FABP7: variants seen among roughly 807,000 people sequenced by gnomAD.
The protein encoded by FABP7 is fatty acid binding protein 7, also known as fatty acid-binding protein, brain.
FABP7 carries 13 observed loss-of-function variants against 14.2 expected under a neutral mutation model. The ratio of observed to expected loss-of-function variants is 0.91; its 90% confidence interval spans 0.59 to 1.45. The LOEUF (loss-of-function observed/expected upper bound fraction) is 1.45, where lower values mean the gene tolerates loss of function less well. FABP7 is among the 40% of genes most tolerant of loss of function. FABP7 has a pLI of 0.00. For synonymous variants in FABP7, 49 were observed against 51.4 expected (o/e 0.95, Z 0.20); for missense variants, 149 against 157.6 (o/e 0.95, Z 0.29).
chr6:122,766,802 A>G, the FABP7 span, among the ~76,000 whole-genome samples: 1 of 152,100 alleles, frequency 6.6e-6, no homozygotes, highest in African/African-American at 2.4e-5. Context: ...ATAATATTGT[A>G]AGAAATATTA....
upstream of FABP7, among the ~76,000 whole-genome samples, chr6:122,779,238 A>C (rs945023209): frequency 1.3e-5 from 2 of 152,142 alleles, no homozygotes; most frequent in Non-Finnish European, 1.5e-5. Flanking sequence ...AATAACACAC[A>C]CTATTCACTC....
the FABP7 span, among the ~76,000 whole-genome samples, chr6:122,759,254 G>A: frequency 2.0e-5 from 3 of 151,978 alleles, no homozygotes; most frequent in South Asian, 2.1e-4. Context: ...AACTGTTCTC[G>A]GTATTTGGCC....
At chr6:122,754,025 T>C in the FABP7 span, among the ~76,000 whole-genome samples, 1 of 152,122 alleles carries the variant, frequency 6.6e-6, no homozygotes, top group African/African-American at 2.4e-5. Context: ...TACTTAGGCA[T>C]GGAAAGTTAG....
chr6:122,762,080 A>G, the FABP7 span, among the ~76,000 whole-genome samples: 7 of 152,196 alleles, frequency 4.6e-5, no homozygotes, highest in Admixed American at 3.9e-4. Context: ...TGGCAGAGAC[A>G]CAACAAAAAA....
At chr6:122,783,546 C>T in intron 3 of FABP7, 171 bp from the exon 4 acceptor site, 1 of 985,034 alleles carries the variant, frequency 1.0e-6, no homozygotes, top group Non-Finnish European at 1.2e-6. Flanking sequence ...GAGACATAAA[C>T]TGTATATCAA....
At chr6:122,769,855 A>G in the FABP7 span, among the ~76,000 whole-genome samples, 1 of 152,158 alleles carries the variant, frequency 6.6e-6, no homozygotes, top group Non-Finnish European at 1.5e-5. Flanking sequence ...CTTTGCGGTG[A>G]AAGAAAAAGT....
At position 122,780,421 on chromosome 6, in the gene FABP7, A is replaced by G. The variant is rs564982067; in HGVS notation, c.204A>G (p.Gly68=). 8.7e-6 allele frequency: 14 copies of G among 1,613,904 alleles called. No individual in the cohort carries two copies. In the African/African-American group the frequency reaches 1.1e-4, roughly 12 times the overall value. ...ACACGGAGATTAGTTTCCAGCTGGGAGAAGAGTTTGATGAAACCACTGCAG... is the reference window on the plus strand; with the variant it reads ...ACACGGAGATTAGTTTCCAGCTGGGGGAAGAGTTTGATGAAACCACTGCAG... ...FKNTEISFQL[G]EEFDETTADD... Residue 68 remains glycine (G), a synonymous_variant, in exon 2 of 4, where the codon GGA becomes GGG. Coordinates refer to ENST00000368444, the MANE Select transcript of FABP7 (RefSeq NM_001446.5).
chr6:122,782,392 T>G, intron 3 of FABP7: 2 of 568,672 alleles, frequency 3.5e-6, no homozygotes, highest in Non-Finnish European at 4.4e-6. Context: ...TGGCAATCAT[T>G]GAGGTTGTTG....
chr6:122,755,489 C>T, the FABP7 span, among the ~76,000 whole-genome samples: 77 of 143,898 alleles, frequency 5.4e-4, no homozygotes, highest in Non-Finnish European at 9.2e-4. Context: ...GACGGAGTCT[C>T]GCTCTGTAGC....
chr6:122,757,716 T>C, the FABP7 span, among the ~76,000 whole-genome samples: 1 of 152,138 alleles, frequency 6.6e-6, no homozygotes, highest in Non-Finnish European at 1.5e-5. Context: ...TTGTACCCGC[T>C]AACCTTGAGG....
At chr6:122,783,198 G>A (rs551502553) in intron 3 of FABP7, 38 of 985,370 alleles carry the variant, frequency 3.9e-5, no homozygotes, top group South Asian at 4.7e-5. Flanking sequence ...ACCTACCTGC[G>A]TTCACATAGG....
the FABP7 span, among the ~76,000 whole-genome samples, chr6:122,770,459 A>G: frequency 2.0e-5 from 3 of 152,132 alleles, no homozygotes; most frequent in Non-Finnish European, 2.9e-5. Flanking sequence ...AATTAGTAGT[A>G]GCATCAGTGG....
chr6:122,775,858 A>G (rs1347082613), upstream of FABP7, among the ~76,000 whole-genome samples: 1 of 152,052 alleles, frequency 6.6e-6, no homozygotes, highest in African/African-American at 2.4e-5. Context: ...CAAACAAAAA[A>G]CAAATTATCT....
At chr6:122,759,976 G>A in the FABP7 span, among the ~76,000 whole-genome samples, 18 of 152,068 alleles carry the variant, frequency 1.2e-4, no homozygotes, top group African/African-American at 4.3e-4. Context: ...AAAATTAGCC[G>A]GGTGTGGTGG....
intron 3 of FABP7, 92 bp from the exon 4 acceptor site, chr6:122,783,625 C>T: frequency 6.7e-7 from 1 of 1,485,778 alleles, no homozygotes; most frequent in Non-Finnish European, 8.9e-7. Flanking sequence ...CATTCTTTTG[C>T]ATAATACTTA....
chr6:122,775,168 A>G (rs557997276), upstream of FABP7, among the ~76,000 whole-genome samples: 5 of 152,270 alleles, frequency 3.3e-5, no homozygotes, highest in East Asian at 3.9e-4. Flanking sequence ...TTCATATAGA[A>G]TTACAAAAGA....
the FABP7 span, among the ~76,000 whole-genome samples, chr6:122,765,396 G>A: frequency 6.6e-6 from 1 of 151,996 alleles, no homozygotes. Context: ...GATAAAGATA[G>A]ATCGATTTAG....
the FABP7 span, among the ~76,000 whole-genome samples, chr6:122,765,834 CT>C: frequency 6.6e-5 from 10 of 151,874 alleles, no homozygotes; most frequent in East Asian, 1.9e-4. Context: ...GCCAAAGAGA[CT>C]TTTTTTTCTT....
the FABP7 span, among the ~76,000 whole-genome samples, chr6:122,754,253 T>C: frequency 3.3e-5 from 5 of 152,314 alleles, no homozygotes; most frequent in East Asian, 3.9e-4. Flanking sequence ...ATAAGCTCAG[T>C]TCACTTAAGG....
Sources: allele counts gnomAD v4.1 joint callset (sites outside exome capture counted in the v4.1 genomes callset), GRCh38; gene constraint gnomAD v4.1.1; transcripts MANE v1.5; gene names NCBI Gene and HGNC (gene_info 2026-07-23, HGNC 2026-07-21).